CNNM2: variants seen among roughly 807,000 people sequenced by gnomAD.
CNNM2 encodes the protein metal transporter CNNM2.
In CNNM2, 12 loss-of-function variants were observed where a neutral mutation model predicts 66.9. That is an observed-to-expected ratio of 0.18 (90% confidence interval 0.11 to 0.29). The LOEUF (loss-of-function observed/expected upper bound fraction) is 0.29. CNNM2 is among the 10% of genes least tolerant of loss of function. The pLI is 1.00. For synonymous variants in CNNM2, 557 were observed against 501.8 expected, an observed-to-expected ratio of 1.11 and a Z score of -1.47; for missense variants, 705 against 1,167.7, an observed-to-expected ratio of 0.60 and a Z score of 5.77.
At chr10:102,992,701 A>G (rs1006803480) in intron 1 of CNNM2, among the ~76,000 whole-genome samples, 4 of 152,098 alleles carry the variant, frequency 2.6e-5, no homozygotes, top group African/African-American at 9.7e-5. Context: ...TTCCATGCCT[A>G]TTGCTGATTC....
intron 1 of CNNM2, among the ~76,000 whole-genome samples, chr10:103,035,988 C>T (rs1243427733): frequency 6.6e-6 from 1 of 152,186 alleles, no homozygotes; most frequent in African/African-American, 2.4e-5. Context: ...ACGCATCAGT[C>T]ATTAGCTGTC....
chr10:103,071,983 C>A, intron 6 of CNNM2, 144 bp downstream of exon 6: 1 of 774,820 alleles, frequency 1.3e-6, no homozygotes. Context: ...GGTTCCGTAA[C>A]TTTATAGCGA....
rs530917788 is a variant in CNNM2 at position 102,973,826 on chromosome 10, C to T, written c.1621+53725C>T. ...CATCTTTTCATGTATTCCCCCCCCC[C>T]CTTTTTTAAAACAACATCATCTTGT... On this transcript the variant is annotated intron_variant, in intron 1 of 7. Coordinates refer to ENST00000369878, the MANE Select transcript of CNNM2 (RefSeq NM_017649.5). Among the ~76,000 whole-genome samples the T allele has an allele frequency of 2.3e-3, 347 of 149,372 alleles. 4 individuals are homozygous for T. Among genetic ancestry groups the T allele is most frequent in the African/African-American group, 8.0e-3 (327 of 41,122 alleles).
intron 1 of CNNM2, among the ~76,000 whole-genome samples, chr10:102,993,420 G>C (rs933481566): frequency 6.6e-6 from 1 of 152,160 alleles, no homozygotes; most frequent in African/African-American, 2.4e-5. Context: ...ACTAGCAGGG[G>C]CTAACTTACC....
intron 1 of CNNM2, among the ~76,000 whole-genome samples, chr10:103,024,720 G>A (rs953139403): frequency 9.9e-5 from 15 of 151,866 alleles, no homozygotes; most frequent in Admixed American, 2.6e-4. Flanking sequence ...CCTCGTGATC[G>A]ACCCACTTCA....
At chr10:102,998,482 TAAAC>T (rs1485221238) in intron 1 of CNNM2, among the ~76,000 whole-genome samples, 1 of 152,148 alleles carries the variant, frequency 6.6e-6, no homozygotes, top group African/African-American at 2.4e-5. Flanking sequence ...GAACTTAAAG[TAAAC>T]AAATCTAAGG....
chr10:102,997,597 AC>A (rs2064027455), intron 1 of CNNM2, among the ~76,000 whole-genome samples: 1 of 152,144 alleles, frequency 6.6e-6, no homozygotes, highest in African/African-American at 2.4e-5. Context: ...CATGCTGTAG[AC>A]CAACTAAGTT....
At chr10:102,977,821 A>C (rs1309709396) in intron 1 of CNNM2, among the ~76,000 whole-genome samples, 3 of 152,156 alleles carry the variant, frequency 2.0e-5, no homozygotes, top group Non-Finnish European at 4.4e-5. Context: ...GAAGTGAGGA[A>C]AGTAGGTGAA....
At chr10:102,985,327 A>G (rs2063779436) in intron 1 of CNNM2, among the ~76,000 whole-genome samples, 1 of 152,166 alleles carries the variant, frequency 6.6e-6, no homozygotes, top group Non-Finnish European at 1.5e-5. Context: ...TGTCTGATAT[A>G]GCCAAAATTC....
chr10:102,921,892 C>T, intron 1 of CNNM2, among the ~76,000 whole-genome samples: 1 of 152,120 alleles, frequency 6.6e-6, no homozygotes, highest in East Asian at 1.9e-4. Flanking sequence ...TAGTTTTTCA[C>T]CTCACAGCTC....
chr10:103,077,256 C>T lies in CNNM2; in HGVS notation c.*76C>T, dbSNP rs1011982509. The T allele has an allele frequency of 8.8e-5, 116 of 1,316,472 alleles. No individual in the cohort carries two copies. The African/African-American group carries it at 1.2e-3, about 13-fold the overall frequency. 81.5% of individuals were successfully genotyped at this position (1,316,472 alleles called of 1,614,324 possible). On this transcript the variant is annotated 3_prime_UTR_variant, in exon 8 of 8. Transcript: ENST00000369878. ...CCGGCCCTGTCTGCCCATGACTTCA[C>T]TGGTGTGAGCTTGTCCGCCATGCTG...
rs559545954 is a variant in CNNM2, at chr10:102,977,211, C to T, written c.1621+57110C>T. On this transcript the variant is annotated intron_variant, in intron 1 of 7. Coordinates refer to ENST00000369878, the MANE Select transcript of CNNM2 (RefSeq NM_017649.5). ...CTCTCATGGATGTTTGTACAGGTTG[C>T]GTATTCCTTGTATGTATGTTTGGGA... 2.6e-5 allele frequency among the ~76,000 whole-genome samples: 4 copies of T among 152,220 alleles called. No homozygotes were observed. The South Asian group carries it at 6.2e-4, about 24-fold the overall frequency.
At chr10:102,927,480 C>T (rs1327634291) in intron 1 of CNNM2, 2 of 1,589,596 alleles carry the variant, frequency 1.3e-6, no homozygotes, top group Non-Finnish European at 1.7e-6. Context: ...TGGCAGTTGG[C>T]TGGGCGTGGT....
rs2065795545 is a variant in CNNM2, at chr10:103,085,387, T to C, written c.*8207T>C. ...TGGACACTGAGTAAACATTTTTCAG[T>C]GTGGGGAAGGTTTGCTTGGCAAATC... On this transcript the variant is annotated 3_prime_UTR_variant, in exon 8 of 8. Transcript: ENST00000369878. 6.6e-6 allele frequency: 1 copy of C among 152,150 alleles called. No homozygotes were observed. The highest frequency in any genetic ancestry group is 1.5e-5 in the Non-Finnish European group (1 of 68,026). 9.4% of individuals were successfully genotyped at this position (152,150 alleles called of 1,614,324 possible). A position where few individuals can be genotyped will look rare whatever the true frequency, so the allele number is the denominator to read the frequency against.
At chr10:103,006,629 A>G (rs1296767028) in intron 1 of CNNM2, among the ~76,000 whole-genome samples, 1 of 151,958 alleles carries the variant, frequency 6.6e-6, no homozygotes, top group Non-Finnish European at 1.5e-5. Context: ...ATTTTGTCAA[A>G]TGCTGGTTCT....
At chr10:102,983,671 G>A (rs2063752238) in intron 1 of CNNM2, among the ~76,000 whole-genome samples, 1 of 151,870 alleles carries the variant, frequency 6.6e-6, no homozygotes, top group South Asian at 2.1e-4. Flanking sequence ...GAACTCTTGG[G>A]CTCAAGTGCT....
chr10:102,953,010 A>G (rs916458156), intron 1 of CNNM2, among the ~76,000 whole-genome samples: 6 of 152,222 alleles, frequency 3.9e-5, no homozygotes, highest in Non-Finnish European at 7.3e-5. Flanking sequence ...AGGAGAAAAT[A>G]TAATTTGGCA....
rs746369588 is a variant in CNNM2 at position 102,918,754 on chromosome 10, G to A, written c.274G>A (p.Ala92Thr). 2.6e-5 allele frequency: 42 copies of A among 1,592,214 alleles called. No individual in the cohort carries two copies. The highest frequency in any genetic ancestry group is 5.7e-5 in the South Asian group (5 of 87,658). Residue 92 changes from alanine to threonine, a missense_variant, in exon 1 of 8, where the codon GCG becomes ACG. This residue lies in a region of CNNM2 where 37 missense variants were observed against 58.5 expected (regional missense o/e 0.63). Transcript: ENST00000369878. The surrounding 1 kb of genome is among the most constrained non-coding windows in gnomAD (Gnocchi z 4.1). ...TNDVSFMEGGALRVSERTRVK... is the reference protein window; with the variant it reads ...TNDVSFMEGGTLRVSERTRVK... Reference sequence around the variant, plus strand: ...CGACGTGTCGTTCATGGAAGGGGGGGCGCTGCGGGTGAGCGAACGGACCCG... The same window carrying A: ...CGACGTGTCGTTCATGGAAGGGGGGACGCTGCGGGTGAGCGAACGGACCCG...
chr10:103,063,384 G>A (rs1013513371), intron 4 of CNNM2, among the ~76,000 whole-genome samples: 11 of 152,298 alleles, frequency 7.2e-5, no homozygotes, highest in South Asian at 2.1e-4. Context: ...TTGTGATGGC[G>A]ATTTAAAAAA....
Sources: gnomAD v4.1 joint callset for allele counts (sites outside exome capture counted in the v4.1 genomes callset) on GRCh38, gnomAD v4.1.1 for gene constraint, gnomAD v4.1.1 regional missense constraint, Gnocchi (gnomAD v3.1) non-coding constraint, MANE v1.5 for transcripts, NCBI Gene and HGNC (gene_info 2026-07-23, HGNC 2026-07-21) for gene names.